ABHD17C: variants seen among roughly 807,000 people sequenced by gnomAD.
The protein encoded by ABHD17C is alpha/beta hydrolase domain-containing protein 17C.
A neutral mutation model predicts 27.9 loss-of-function variants in ABHD17C; 11 were observed. That is an observed-to-expected ratio of 0.39 (90% confidence interval 0.25 to 0.65). The LOEUF (loss-of-function observed/expected upper bound fraction) is 0.65. Ranked by LOEUF, ABHD17C falls within the 30% of genes least tolerant of loss-of-function variation. ABHD17C has a pLI of 0.45. For synonymous variants in ABHD17C, 233 were observed against 209.1 expected (o/e 1.11, Z -0.98); for missense variants, 280 against 470.2 (o/e 0.60, Z 3.74).
chr15:80,722,599 T>C (rs972692331), intron 1 of ABHD17C, among the ~76,000 whole-genome samples: 4 of 152,028 alleles, frequency 2.6e-5, no homozygotes, highest in Non-Finnish European at 1.5e-5. Flanking sequence ...TCTTCCCTGT[T>C]GGTTAATTTT....
At chr15:80,710,287 G>A (rs1198879081) in intron 1 of ABHD17C, among the ~76,000 whole-genome samples, 1 of 152,188 alleles carries the variant, frequency 6.6e-6, no homozygotes, top group Non-Finnish European at 1.5e-5. Flanking sequence ...GGAGTAGTAG[G>A]AGATGAGGAC....
intron 1 of ABHD17C, among the ~76,000 whole-genome samples, chr15:80,715,707 G>A (rs947318528): frequency 2.0e-5 from 3 of 152,154 alleles, no homozygotes; most frequent in South Asian, 2.1e-4. Flanking sequence ...TCCTAAGAAC[G>A]GTTCTGTGCA....
intron 1 of ABHD17C, among the ~76,000 whole-genome samples, chr15:80,740,414 G>A (rs1895193995): frequency 6.6e-6 from 1 of 152,066 alleles, no homozygotes; most frequent in African/African-American, 2.4e-5. Context: ...TCAGTAGTAG[G>A]AGAATACATC....
intron 1 of ABHD17C, among the ~76,000 whole-genome samples, chr15:80,706,411 A>G (rs557817215): frequency 6.6e-6 from 1 of 152,340 alleles, no homozygotes; most frequent in South Asian, 2.1e-4. Context: ...CCTAACCTCA[A>G]GCTTACTTGT....
intron 2 of ABHD17C, among the ~76,000 whole-genome samples, chr15:80,753,310 C>A (rs1895388409): frequency 6.6e-6 from 1 of 152,258 alleles, no homozygotes; most frequent in East Asian, 1.9e-4. Flanking sequence ...TCAACAAACA[C>A]AACAGCCAAT....
chr15:80,725,812 T>G (rs1567034956), intron 1 of ABHD17C, among the ~76,000 whole-genome samples: 1 of 151,008 alleles, frequency 6.6e-6, no homozygotes, highest in African/African-American at 2.4e-5. Context: ...ACCAGCAGTT[T>G]TTTGTTTGTT....
rs190444021 is a variant in ABHD17C, at chr15:80,723,431, G to T, written c.591-26082G>T. 4.1e-4 allele frequency among the ~76,000 whole-genome samples: 63 copies of T among 152,198 alleles called. 2 individuals are homozygous for T. Among genetic ancestry groups the T allele is most frequent in the Middle Eastern group, 3.4e-3 (1 of 294 alleles). On this transcript the variant is annotated intron_variant, in intron 1 of 2. Coordinates refer to ENST00000258884, the MANE Select transcript of ABHD17C (RefSeq NM_021214.2). ...CTGACAGCCAGATTAGTTTCATTTG[G>T]TGTCCCATAAGGAAGGAACTGACTA...
intron 1 of ABHD17C, among the ~76,000 whole-genome samples, chr15:80,718,369 G>A (rs1002338027): frequency 6.6e-6 from 1 of 151,650 alleles, no homozygotes; most frequent in African/African-American, 2.4e-5. Flanking sequence ...GTCTTACTCT[G>A]TTGCCCAGGC....
At chr15:80,742,188 T>C (rs932932638) in intron 1 of ABHD17C, among the ~76,000 whole-genome samples, 1 of 152,082 alleles carries the variant, frequency 6.6e-6, no homozygotes, top group African/African-American at 2.4e-5. Context: ...CTCACGTGAT[T>C]ATGGAGGCCA....
intron 1 of ABHD17C, among the ~76,000 whole-genome samples, chr15:80,735,327 A>G (rs146459412): frequency 1.5e-3 from 231 of 151,896 alleles, no homozygotes; most frequent in African/African-American, 5.4e-3. Flanking sequence ...CTCCTTCCCA[A>G]CCTCCCAATT....
intron 1 of ABHD17C, among the ~76,000 whole-genome samples, chr15:80,724,264 G>A (rs1894940622): frequency 6.6e-6 from 1 of 151,964 alleles, no homozygotes; most frequent in Non-Finnish European, 1.5e-5. Context: ...GGAGGTTGAG[G>A]CTGCAGTGAG....
intron 1 of ABHD17C, among the ~76,000 whole-genome samples, chr15:80,739,453 G>A (rs956551837): frequency 3.3e-5 from 5 of 152,202 alleles, no homozygotes; most frequent in Non-Finnish European, 7.3e-5. Flanking sequence ...GACCCCCAGT[G>A]TTGGAGATGG....
intron 1 of ABHD17C, among the ~76,000 whole-genome samples, chr15:80,697,704 G>A (rs1894513578): frequency 6.6e-6 from 1 of 152,108 alleles, no homozygotes; most frequent in Non-Finnish European, 1.5e-5. Context: ...TAGTGTATCA[G>A]TTGAATTAAG....
chr15:80,724,796 T>C (rs749437418), intron 1 of ABHD17C, among the ~76,000 whole-genome samples: 1 of 152,192 alleles, frequency 6.6e-6, no homozygotes, highest in Non-Finnish European at 1.5e-5. Context: ...CCTCCTATTA[T>C]TCATTCTGTT....
chr15:80,733,783 C>T (rs557266407), intron 1 of ABHD17C, among the ~76,000 whole-genome samples: 55 of 152,208 alleles, frequency 3.6e-4, no homozygotes, highest in Middle Eastern at 6.8e-3. Context: ...AGAGATAAAA[C>T]AATTAGAAAT....
chr15:80,732,201 A>G (rs977424352), intron 1 of ABHD17C, among the ~76,000 whole-genome samples: 2 of 152,186 alleles, frequency 1.3e-5, no homozygotes, highest in Non-Finnish European at 2.9e-5. Context: ...GGACACCCAG[A>G]GCAGGGTTGG....
intron 1 of ABHD17C, chr15:80,703,466 C>T (rs1180037711): frequency 6.6e-6 from 1 of 152,198 alleles, no homozygotes; most frequent in Non-Finnish European, 1.5e-5. Context: ...GAGGTGTCTT[C>T]TGGTAAGTCT....
chr15:80,702,801 TAGG>T (rs1212807279), intron 1 of ABHD17C: 1 of 152,174 alleles, frequency 6.6e-6, no homozygotes, highest in East Asian at 1.9e-4. Flanking sequence ...CATATACAGT[TAGG>T]AGATTATTAT....
At chr15:80,733,990 TATTTA>T (rs1895092087) in intron 1 of ABHD17C, among the ~76,000 whole-genome samples, 5 of 133,772 alleles carry the variant, frequency 3.7e-5, no homozygotes, top group Admixed American at 1.4e-4. Flanking sequence ...TTTATTTATT[TATTTA>T]TTTTTTTAAA....
Sources: gnomAD v4.1 joint callset for allele counts (sites outside exome capture counted in the v4.1 genomes callset) on GRCh38, gnomAD v4.1.1 for gene constraint, MANE v1.5 for transcripts, NCBI Gene and HGNC (gene_info 2026-07-23, HGNC 2026-07-21) for gene names.